TPH2: variants seen among roughly 807,000 people sequenced by gnomAD.
The protein encoded by TPH2 is tryptophan 5-hydroxylase 2.
A neutral mutation model predicts 59.1 loss-of-function variants in TPH2; 27 were observed. The ratio of observed to expected loss-of-function variants is 0.46; its 90% CI spans 0.34 to 0.63. The LOEUF (loss-of-function observed/expected upper bound fraction) is 0.63. Among genes scored for constraint, TPH2 ranks in the 30% least tolerant of loss-of-function variants. The pLI is 0.01. For missense variants in TPH2, 523 were observed against 588.3 expected (o/e 0.89, Z 1.15); for synonymous variants, 220 against 210.5 (o/e 1.05, Z -0.39).
At position 71,941,652 on chromosome 12, in the gene TPH2, T is replaced by C. The variant is rs1357471227; in HGVS notation, c.174T>C (p.Ala58=). Residue 58 remains alanine (A), a synonymous_variant, in exon 2 of 11, where the codon GCT becomes GCC. Transcript: ENST00000333850. The part of the protein sequence containing the change: ...GNKGSSKREA[A]TESGKTAVVF... ...AGGGAAGCAGCAAACGTGAAGCTGCTACCGAAAGTGGCAAGACAGCAGTTG... is the reference window on the plus strand; with the variant it reads ...AGGGAAGCAGCAAACGTGAAGCTGCCACCGAAAGTGGCAAGACAGCAGTTG... 9 of 1,614,014 alleles carry C rather than the reference T, an allele frequency of 5.6e-6. No individual in the cohort carries two copies. Among genetic ancestry groups the C allele is most frequent in the Non-Finnish European group, 7.6e-6 (9 of 1,179,990 alleles).
chr12:71,996,946 T>C (rs187495894), intron 8 of TPH2, among the ~76,000 whole-genome samples: 1 of 151,890 alleles, frequency 6.6e-6, no homozygotes, highest in East Asian at 1.9e-4. Context: ...AAAACAGATT[T>C]TTTAAGAGGA....
intron 5 of TPH2, among the ~76,000 whole-genome samples, chr12:71,955,162 G>T (rs1871458467): frequency 6.6e-6 from 1 of 152,188 alleles, no homozygotes; most frequent in South Asian, 2.1e-4. Context: ...TCTAATTTAG[G>T]TTAGAGTTGG....
intron 5 of TPH2, among the ~76,000 whole-genome samples, chr12:71,956,720 C>T (rs899907356): frequency 2.0e-5 from 3 of 152,060 alleles, no homozygotes; most frequent in African/African-American, 7.2e-5. Flanking sequence ...GGTGATCCTC[C>T]TGCCTCAGCC....
intron 8 of TPH2, among the ~76,000 whole-genome samples, chr12:72,007,378 G>C (rs890044282): frequency 2.6e-5 from 4 of 152,156 alleles, no homozygotes; most frequent in African/African-American, 7.2e-5. Context: ...CAGATTAGGA[G>C]TGATGCTGTT....
At chr12:71,978,081 G>A (rs1872169439) in intron 6 of TPH2, among the ~76,000 whole-genome samples, 1 of 152,082 alleles carries the variant, frequency 6.6e-6, no homozygotes, top group Non-Finnish European at 1.5e-5. Flanking sequence ...GGAGTAGGCT[G>A]TACCATCTAG....
At chr12:71,957,283 A>G (rs1222488707) in intron 5 of TPH2, among the ~76,000 whole-genome samples, 1 of 151,202 alleles carries the variant, frequency 6.6e-6, no homozygotes, top group African/African-American at 2.4e-5. Flanking sequence ...TTGTTCTTCA[A>G]TTTCATATAA....
chr12:71,950,164 T>C (rs1004263413), intron 5 of TPH2, among the ~76,000 whole-genome samples: 3 of 151,760 alleles, frequency 2.0e-5, no homozygotes, highest in African/African-American at 7.3e-5. Flanking sequence ...CAGATCAGAG[T>C]TGGGATGGAA....
intron 6 of TPH2, among the ~76,000 whole-genome samples, chr12:71,976,767 G>A (rs1566135517): frequency 6.6e-6 from 1 of 152,166 alleles, no homozygotes; most frequent in Admixed American, 6.5e-5. Flanking sequence ...TGTTTTATAA[G>A]CTTAGTTGGT....
At chr12:71,959,589 C>T (rs907373643) in intron 5 of TPH2, among the ~76,000 whole-genome samples, 1 of 152,182 alleles carries the variant, frequency 6.6e-6, no homozygotes, top group Non-Finnish European at 1.5e-5. Flanking sequence ...TTGACCTTAG[C>T]ATTTCTCATT....
chr12:71,949,729 ATCTCT>A, intron 5 of TPH2, 74 bp downstream of exon 5: 2 of 1,287,522 alleles, frequency 1.6e-6, no homozygotes, highest in Non-Finnish European at 2.3e-6. Flanking sequence ...CAAACCTGTC[ATCTCT>A]TCACTTTAAC....
intron 6 of TPH2, among the ~76,000 whole-genome samples, chr12:71,978,525 T>A (rs1305941011): frequency 6.6e-6 from 1 of 152,182 alleles, no homozygotes. Context: ...GATTTGAAGA[T>A]GCTAGTGAAG....
intron 7 of TPH2, among the ~76,000 whole-genome samples, chr12:71,991,385 C>T (rs1872576260): frequency 6.6e-6 from 1 of 152,220 alleles, no homozygotes; most frequent in Admixed American, 6.5e-5. Context: ...CATTATGAAG[C>T]ATTTAGCACA....
intron 5 of TPH2, among the ~76,000 whole-genome samples, chr12:71,959,614 G>A (rs994495313): frequency 6.6e-6 from 1 of 152,138 alleles, no homozygotes; most frequent in Non-Finnish European, 1.5e-5. Flanking sequence ...GAGAGAAGAG[G>A]CATGATTTAT....
Position 71,978,993 on chromosome 12 carries a change from A to G in TPH2, c.847A>G (p.Ser283Gly). The G allele has an allele frequency of 6.2e-7, 1 of 1,614,080 alleles. No individual in the cohort carries two copies. The highest frequency in any genetic ancestry group is 8.5e-7 in the Non-Finnish European group (1 of 1,180,010). The change falls in exon 7 of 11, where the codon AGC becomes GGC. Residue 283 changes from serine to glycine, a missense_variant. Physicochemically the swap from Ser to Gly is moderately conservative, Grantham distance 56. Transcript: ENST00000333850. ...GGTGAGGCCGGTGGCTGGATACCTG[A>G]GCCCACGAGACTTTCTGGCAGGACT... is the stretch of plus-strand genomic sequence containing the variant. Reference protein sequence around the residue: ...FTVRPVAGYLSPRDFLAGLAY... With the variant: ...FTVRPVAGYLGPRDFLAGLAY...
At chr12:71,947,758 C>T (rs972524167) in intron 4 of TPH2, among the ~76,000 whole-genome samples, 1 of 151,960 alleles carries the variant, frequency 6.6e-6, no homozygotes, top group Admixed American at 6.6e-5. Context: ...CTGGATCGCC[C>T]ACAACATTTG....
intron 8 of TPH2, among the ~76,000 whole-genome samples, chr12:72,020,570 C>T (rs940843027): frequency 6.6e-6 from 1 of 152,112 alleles, no homozygotes; most frequent in Admixed American, 6.6e-5. Context: ...CTCACTGCAA[C>T]TTCCGTCTCC....
At chr12:71,989,939 T>A (rs963382080) in intron 7 of TPH2, among the ~76,000 whole-genome samples, 4 of 132,504 alleles carry the variant, frequency 3.0e-5, no homozygotes, top group Non-Finnish European at 4.8e-5. Flanking sequence ...GTGTCTGATA[T>A]CAGCTCTTGG....
chr12:71,989,948 GGTTT>G (rs1872542838), intron 7 of TPH2, among the ~76,000 whole-genome samples: 2 of 13,386 alleles, frequency 1.5e-4, no homozygotes, highest in Non-Finnish European at 2.4e-4. Context: ...ATCAGCTCTT[GGTTT>G]TTTTTTTTTT....
intron 8 of TPH2, among the ~76,000 whole-genome samples, chr12:72,014,379 TTTTTTTTC>T (rs1332070374): frequency 7.0e-6 from 1 of 141,906 alleles, no homozygotes; most frequent in Non-Finnish European, 1.5e-5. Flanking sequence ...TCCCAGAATT[TTTTTTTTC>T]TTTTTTTCTT....
Sources: gnomAD v4.1 joint callset for allele counts (sites outside exome capture counted in the v4.1 genomes callset) on GRCh38, gnomAD v4.1.1 for gene constraint, MANE v1.5 for transcripts, NCBI Gene and HGNC (gene_info 2026-07-23, HGNC 2026-07-21) for gene names.